PML: variants seen among roughly 807,000 people sequenced by gnomAD.
PML encodes the protein protein PML.
Under a neutral mutation model 65.2 loss-of-function variants are expected in PML, and 28 were observed. That is an observed-to-expected ratio of 0.43 (90% CI 0.32 to 0.59). The LOEUF is 0.59. PML is among the 20% of genes least tolerant of loss of function. The pLI, the probability that PML is intolerant of heterozygous loss-of-function variation, is 0.08. For missense variants in PML, 1,021 were observed against 1,203.4 expected (o/e 0.85, Z 2.24); for synonymous variants, 500 against 508.8 (o/e 0.98, Z 0.23).
Position 73,994,861 on chromosome 15 carries a change from C to T in PML, c.49C>T (p.Arg17Trp). ...RSPRPQQDPARPQEPTMPPPE... is the reference protein window; with the variant it reads ...RSPRPQQDPAWPQEPTMPPPE... ...TCCGAGGCCCCAGCAGGACCCCGCC[C>T]GGCCCCAGGAGCCCACCATGCCTCC... The change falls in exon 1 of 9, where the codon CGG (arginine) becomes TGG (tryptophan). Residue 17 changes from arginine (R) to tryptophan (W), a missense_variant. Arg to Trp is a moderately radical substitution (Grantham distance 101, BLOSUM62 -3). Transcript: ENST00000268058. 1 of 1,559,210 alleles carries T rather than the reference C, an allele frequency of 6.4e-7. No homozygotes were observed. Among genetic ancestry groups the T allele is most frequent in the East Asian group, 2.4e-5 (1 of 41,816 alleles).
intron 2 of PML, among the ~76,000 whole-genome samples, chr15:74,006,255 G>A (rs1400239434): frequency 2.0e-5 from 3 of 152,056 alleles, no homozygotes; most frequent in Non-Finnish European, 4.4e-5. Flanking sequence ...GCCAGGCATG[G>A]TGTCACACAC....
chr15:74,009,498 A>G (rs2070221813), intron 2 of PML, among the ~76,000 whole-genome samples: 1 of 152,238 alleles, frequency 6.6e-6, no homozygotes, highest in Non-Finnish European at 1.5e-5. Flanking sequence ...CCCATTTCCT[A>G]GTTTTTCTAT....
At position 74,022,957 on chromosome 15, in the gene PML, G is replaced by A. The variant is rs567362523; in HGVS notation, c.732G>A (p.Thr244=). ...QQRQEELDAM[T]QALQEQDSAF... is the part of the protein sequence containing the mutation. The stretch of plus-strand genomic sequence containing the variant: ...GACAGGAGGAGCTGGACGCCATGAC[G>A]CAGGCGCTGCAGGAGCAGGATAGTG... The change falls in exon 3 of 9, where the codon ACG becomes ACA. Residue 244 remains threonine (T), a synonymous_variant. Transcript: ENST00000268058. The A allele has an allele frequency of 4.3e-6, 7 of 1,610,130 alleles. No individual in the cohort carries two copies. Among genetic ancestry groups the A allele is most frequent in the South Asian group, 1.1e-5 (1 of 90,656 alleles).
intron 2 of PML, 90 bp downstream of exon 2, chr15:73,998,566 G>T: frequency 8.7e-7 from 1 of 1,148,054 alleles, no homozygotes; most frequent in Non-Finnish European, 1.3e-6. Context: ...CACAGCTGAG[G>T]ACAAGGAGCT....
Position 74,035,083 on chromosome 15 carries a change from G to C in PML, c.1710+553G>C. The C allele has an allele frequency of 8.1e-7, 1 of 1,238,248 alleles. No homozygotes were observed. Among genetic ancestry groups the C allele is most frequent in the Non-Finnish European group, 1.2e-6 (1 of 847,138 alleles). The allele number at this position is 1,238,248 out of a possible 1,614,324, so 76.7% of individuals were successfully genotyped here. On this transcript the variant is annotated intron_variant, in intron 7 of 8. Transcript: ENST00000268058. The surrounding 1 kb of genome is among the most constrained non-coding windows in gnomAD (Gnocchi z 4.1). ...AGGCTGGACTATCACCTGTCCAGGG[G>C]AAAAGGGGATCTGAATAGAGTGAAA...
intron 2 of PML, among the ~76,000 whole-genome samples, chr15:74,003,754 T>C (rs557749705): frequency 6.6e-6 from 1 of 152,358 alleles, no homozygotes; most frequent in South Asian, 2.1e-4. Context: ...TTGGTTTCAT[T>C]GCTCATGATA....
chr15:74,000,935 T>C (rs1010880279), intron 2 of PML, among the ~76,000 whole-genome samples: 1 of 152,352 alleles, frequency 6.6e-6, no homozygotes. Context: ...TTTAGGCTTA[T>C]AAAAGTTTTT....
intron 2 of PML, among the ~76,000 whole-genome samples, chr15:74,007,048 A>G (rs1008047781): frequency 6.6e-6 from 1 of 152,206 alleles, no homozygotes; most frequent in Non-Finnish European, 1.5e-5. Context: ...TGGTAAATAT[A>G]TGGGAACTCT....
intron 2 of PML, among the ~76,000 whole-genome samples, chr15:74,006,373 A>G (rs1384448713): frequency 7.2e-6 from 1 of 138,334 alleles, no homozygotes; most frequent in Non-Finnish European, 1.5e-5. Flanking sequence ...CCTGGGCGAC[A>G]GAGCGAGACT....
rs148149126 is a variant in PML, at chr15:74,025,020, C to T, written c.1254+93C>T. ...GCTGTCCCTGTGTGTGCAGGGAGAG[C>T]GTCTGAGTGAGGGACAGCAAGTGGC... is the stretch of plus-strand genomic sequence containing the variant. On this transcript the variant is annotated intron_variant, in intron 4 of 8. Coordinates refer to ENST00000268058, the MANE Select transcript of PML (RefSeq NM_033238.3). 1.2e-3 allele frequency: 1,054 copies of T among 848,942 alleles called. 4 individuals carry two copies. The highest frequency in any genetic ancestry group is 8.4e-3 in the African/African-American group (509 of 60,358). The allele number at this position is 848,942 out of a possible 1,614,324, so 52.6% of individuals were successfully genotyped here.
At chr15:74,008,269 G>A (rs953592204) in intron 2 of PML, among the ~76,000 whole-genome samples, 1 of 152,234 alleles carries the variant, frequency 6.6e-6, no homozygotes, top group Non-Finnish European at 1.5e-5. Flanking sequence ...AGAAGGGTGA[G>A]TTGGGGTCAG....
intron 2 of PML, among the ~76,000 whole-genome samples, chr15:74,009,039 G>T (rs1036132908): frequency 3.3e-5 from 5 of 152,202 alleles, no homozygotes; most frequent in African/African-American, 1.2e-4. Context: ...AGGCCTGCAA[G>T]AATGCAGAGA....
At chr15:74,021,835 A>G (rs2070849164) in intron 2 of PML, among the ~76,000 whole-genome samples, 1 of 152,380 alleles carries the variant, frequency 6.6e-6, no homozygotes, top group Middle Eastern at 3.4e-3. Flanking sequence ...ATTGTGGCCC[A>G]TCTGGGATAT....
At chr15:73,995,657 A>T (rs1040215578) in intron 1 of PML, among the ~76,000 whole-genome samples, 1 of 152,274 alleles carries the variant, frequency 6.6e-6, no homozygotes. Flanking sequence ...AATACTAGGT[A>T]ACATTTATGA....
At chr15:74,026,696 G>T (rs929158310) in intron 4 of PML, 1 of 152,108 alleles carries the variant, frequency 6.6e-6, no homozygotes, top group Non-Finnish European at 1.5e-5. Context: ...TGTCACCCAG[G>T]CTGGAGTGCA....
chr15:74,039,102 A>G (rs1205929462), intron 7 of PML, among the ~76,000 whole-genome samples: 1 of 152,122 alleles, frequency 6.6e-6, no homozygotes, highest in Non-Finnish European at 1.5e-5. Context: ...CAGCAACAGG[A>G]GGGGGCCAAG....
In PML at chr15:74,035,585, C is replaced by G. The variant is rs1253254580; in HGVS notation, c.1710+1055C>G. On this transcript the variant is annotated intron_variant, in intron 7 of 8. Transcript: ENST00000268058. The surrounding 1 kb of genome is among the most constrained non-coding windows in gnomAD (Gnocchi z 4.1). ...GGCCCCTCAACCATCCTGCCAATGC[C>G]CAGGAACATCCTGCCCAGCTGCAAA... 6.2e-7 allele frequency: 1 copy of G among 1,612,284 alleles called. No homozygotes were observed. The highest frequency in any genetic ancestry group is 2.2e-5 in the East Asian group (1 of 44,870).
At chr15:74,018,997 GGCTAAGGT>G (rs1418712124) in intron 2 of PML, among the ~76,000 whole-genome samples, 1 of 152,176 alleles carries the variant, frequency 6.6e-6, no homozygotes, top group Non-Finnish European at 1.5e-5. Flanking sequence ...GGAACCGCTT[GGCTAAGGT>G]CATTCCTGGC....
chr15:74,039,612 G>A (rs2071651204), intron 7 of PML, among the ~76,000 whole-genome samples: 1 of 152,202 alleles, frequency 6.6e-6, no homozygotes, highest in African/African-American at 2.4e-5. Context: ...GCTGTACACT[G>A]GGGAGTTTTC....
Sources: allele counts gnomAD v4.1 joint callset (sites outside exome capture counted in the v4.1 genomes callset), GRCh38; gene constraint gnomAD v4.1.1; non-coding constraint Gnocchi (gnomAD v3.1); transcripts MANE v1.5; gene names NCBI Gene and HGNC (gene_info 2026-07-23, HGNC 2026-07-21).